SPIDR: variants seen among roughly 807,000 people sequenced by gnomAD.
SPIDR encodes DNA repair-scaffolding protein.
SPIDR carries 93 observed loss-of-function variants against 104.6 expected under a neutral mutation model. That is an observed-to-expected ratio of 0.89 (90% confidence interval 0.75 to 1.06). The LOEUF (loss-of-function observed/expected upper bound fraction) is 1.06, where lower values mean the gene tolerates loss of function less well. Among genes scored for constraint, SPIDR ranks in the 50% least tolerant of loss-of-function variants. The pLI, the probability that SPIDR is intolerant of heterozygous loss-of-function variation, is 0.00. For missense variants in SPIDR, 1,154 were observed against 1,111.2 expected (o/e 1.04, Z -0.55); for synonymous variants, 431 against 416.9 (o/e 1.03, Z -0.41).
chr8:47,456,404 G>A (rs1040408925), intron 8 of SPIDR, among the ~76,000 whole-genome samples: 2 of 152,124 alleles, frequency 1.3e-5, no homozygotes, highest in African/African-American at 4.8e-5. Flanking sequence ...TTTTGGCTAA[G>A]TCACTCAGAC....
intron 8 of SPIDR, among the ~76,000 whole-genome samples, chr8:47,544,676 G>C (rs2088911189): frequency 1.3e-5 from 2 of 152,158 alleles, no homozygotes; most frequent in South Asian, 2.1e-4. Flanking sequence ...TGGGTGTTCT[G>C]TTCCGTTGAT....
chr8:47,546,341 T>C (rs917243951), intron 8 of SPIDR, among the ~76,000 whole-genome samples: 1 of 152,168 alleles, frequency 6.6e-6, no homozygotes, highest in African/African-American at 2.4e-5. Flanking sequence ...TGGTAGTTTG[T>C]ATTTTTTCAA....
chr8:47,731,853 T>A (rs576054588), intron 19 of SPIDR, among the ~76,000 whole-genome samples: 13 of 152,332 alleles, frequency 8.5e-5, no homozygotes, highest in African/African-American at 3.1e-4. Context: ...GTGGCAGATC[T>A]GAGTTTTCAG....
intron 8 of SPIDR, among the ~76,000 whole-genome samples, chr8:47,464,537 G>C (rs1329228799): frequency 6.6e-6 from 1 of 152,142 alleles, no homozygotes; most frequent in Non-Finnish European, 1.5e-5. Context: ...TGCATACTGG[G>C]ACTCCTTCCT....
chr8:47,528,633 A>T (rs762854637), intron 8 of SPIDR, among the ~76,000 whole-genome samples: 1 of 152,188 alleles, frequency 6.6e-6, no homozygotes. Context: ...AATCCTAGAA[A>T]CCGAAGGCAC....
At chr8:47,594,041 G>A (rs562399527) in intron 8 of SPIDR, among the ~76,000 whole-genome samples, 54 of 151,842 alleles carry the variant, frequency 3.6e-4, no homozygotes, top group South Asian at 1.0e-3. Context: ...TCACAATGAG[G>A]GGAGTACTCG....
At chr8:47,624,625 T>A (rs999207827) in intron 10 of SPIDR, among the ~76,000 whole-genome samples, 1 of 152,120 alleles carries the variant, frequency 6.6e-6, no homozygotes, top group African/African-American at 2.4e-5. Flanking sequence ...GCAAATAAAC[T>A]AGAAAATCTA....
chr8:47,536,973 C>T (rs1284197502), intron 8 of SPIDR, among the ~76,000 whole-genome samples: 2 of 152,202 alleles, frequency 1.3e-5, no homozygotes, highest in African/African-American at 2.4e-5. Context: ...AGATGCTTGA[C>T]ATCATGTGTC....
intron 10 of SPIDR, among the ~76,000 whole-genome samples, chr8:47,663,796 A>G (rs1421631983): frequency 6.6e-6 from 1 of 152,238 alleles, no homozygotes; most frequent in Non-Finnish European, 1.5e-5. Flanking sequence ...CTAATCATCT[A>G]GAGAATCTTT....
intron 8 of SPIDR, among the ~76,000 whole-genome samples, chr8:47,512,321 G>T (rs2082462887): frequency 6.6e-6 from 1 of 152,064 alleles, no homozygotes; most frequent in Non-Finnish European, 1.5e-5. Context: ...GTCTCACCCT[G>T]TCTACACACT....
intron 5 of SPIDR, among the ~76,000 whole-genome samples, chr8:47,317,172 G>A (rs905813026): frequency 1.2e-4 from 19 of 152,310 alleles, no homozygotes; most frequent in African/African-American, 4.3e-4. Context: ...CACCCAGGAA[G>A]CGCAAGGGGT....
chr8:47,709,362 A>C (rs1364436369), intron 14 of SPIDR, among the ~76,000 whole-genome samples: 1 of 151,984 alleles, frequency 6.6e-6, no homozygotes, highest in Non-Finnish European at 1.5e-5. Context: ...CTGGTCTCGA[A>C]CTCCTGACCT....
intron 19 of SPIDR, among the ~76,000 whole-genome samples, chr8:47,735,069 C>T (rs2085976363): frequency 6.6e-6 from 1 of 151,586 alleles, no homozygotes; most frequent in Admixed American, 6.6e-5. Context: ...GTAGTTCCTT[C>T]ACTTGCTAAA....
chr8:47,424,864 G>A (rs1305934768), intron 7 of SPIDR, among the ~76,000 whole-genome samples: 1 of 152,112 alleles, frequency 6.6e-6, no homozygotes, highest in Non-Finnish European at 1.5e-5. Flanking sequence ...TGAGTATGCT[G>A]GGATTACAGG....
At chr8:47,651,811 G>A (rs193113022) in intron 10 of SPIDR, among the ~76,000 whole-genome samples, 19 of 152,258 alleles carry the variant, frequency 1.2e-4, no homozygotes, top group Non-Finnish European at 2.9e-5. Context: ...CAGCAGCTTG[G>A]ATGGAGCTGG....
chr8:47,543,760 A>G (rs1489073620), intron 8 of SPIDR, among the ~76,000 whole-genome samples: 1 of 152,194 alleles, frequency 6.6e-6, no homozygotes, highest in African/African-American at 2.4e-5. Context: ...AAACCCTCAT[A>G]GCACATCCTC....
chr8:47,676,317 T>C (rs924461360), intron 11 of SPIDR, among the ~76,000 whole-genome samples: 4 of 152,228 alleles, frequency 2.6e-5, no homozygotes, highest in African/African-American at 9.7e-5. Context: ...TTTGATGCTT[T>C]TTTAGGTTGA....
chr8:47,408,611 A>G (rs1311162202), intron 7 of SPIDR, among the ~76,000 whole-genome samples: 2 of 152,208 alleles, frequency 1.3e-5, no homozygotes, highest in Non-Finnish European at 2.9e-5. Context: ...GTCAAGAAAA[A>G]GAGATAAAAG....
intron 5 of SPIDR, among the ~76,000 whole-genome samples, chr8:47,367,990 T>A (rs1426622075): frequency 6.6e-6 from 1 of 152,104 alleles, no homozygotes. Context: ...GAGTGGCGTA[T>A]AAACAATGGA....
Sources: gnomAD v4.1 joint callset for allele counts (sites outside exome capture counted in the v4.1 genomes callset) on GRCh38, gnomAD v4.1.1 for gene constraint, MANE v1.5 for transcripts, NCBI Gene and HGNC (gene_info 2026-07-23, HGNC 2026-07-21) for gene names.